Variants in UBE2D3 observed in about 807,000 individuals in gnomAD.
UBE2D3 encodes the protein ubiquitin conjugating enzyme E2 D3.
In UBE2D3, 2 loss-of-function variants were observed where a neutral mutation model predicts 22.8. The ratio of observed to expected loss-of-function variants is 0.09; its 90% CI spans 0.04 to 0.28. The LOEUF is 0.28. Among genes scored for constraint, UBE2D3 ranks in the 10% least tolerant of loss-of-function variants. The pLI, the probability that UBE2D3 is intolerant of heterozygous loss-of-function variation, is 1.00. For synonymous variants in UBE2D3, 56 were observed against 60.4 expected (o/e 0.93, Z 0.34); for missense variants, 27 against 182.5 (o/e 0.15, Z 4.91).
upstream of UBE2D3, among the ~76,000 whole-genome samples, chr4:102,829,239 C>T (rs1166692957): frequency 6.6e-6 from 1 of 152,130 alleles, no homozygotes; most frequent in Admixed American, 6.5e-5. Flanking sequence ...AGATTTTTCT[C>T]GTCTGAACCA....
chr4:102,809,773 C>T lies in UBE2D3; in HGVS notation c.88+19G>A, dbSNP rs775267637. 1 of 1,613,302 alleles carries T rather than the reference C, an allele frequency of 6.2e-7. No individual in the cohort carries two copies. Among genetic ancestry groups the T allele is most frequent in the Non-Finnish European group, 8.5e-7 (1 of 1,179,912 alleles). ...TTAAAAAAAAATTAGGCATAAAAATCAACTTGCAAGTTACTTACTATCATC... is the reference window on the plus strand; with the variant it reads ...TTAAAAAAAAATTAGGCATAAAAATTAACTTGCAAGTTACTTACTATCATC... On this transcript the variant is annotated intron_variant, in intron 3 of 7. Coordinates refer to ENST00000453744, the MANE Select transcript of UBE2D3 (RefSeq NM_181891.3).
chr4:102,849,752 C>T (rs1215631632), intron 1 of UBE2D3, among the ~76,000 whole-genome samples: 1 of 152,112 alleles, frequency 6.6e-6, no homozygotes, highest in Non-Finnish European at 1.5e-5. Context: ...ATCAGAATGA[C>T]CAAATTAAAA....
chr4:102,856,151 A>G (rs2110373596), intron 1 of UBE2D3, among the ~76,000 whole-genome samples: 1 of 152,312 alleles, frequency 6.6e-6, no homozygotes, highest in East Asian at 1.9e-4. Flanking sequence ...AAATCACTTA[A>G]GGCCAGGAGT....
chr4:102,804,878 T>C (rs1726786751), intron 4 of UBE2D3, among the ~76,000 whole-genome samples: 1 of 152,084 alleles, frequency 6.6e-6, no homozygotes. Flanking sequence ...GAGTTTTTGT[T>C]GTCTTTTTAG....
intron 2 of UBE2D3, among the ~76,000 whole-genome samples, chr4:102,815,937 A>G (rs1228221258): frequency 6.6e-6 from 1 of 152,240 alleles, no homozygotes; most frequent in Non-Finnish European, 1.5e-5. Flanking sequence ...TTACTATTTA[A>G]AGTACCACTT....
chr4:102,813,629 C>G (rs1227556413), intron 2 of UBE2D3, among the ~76,000 whole-genome samples: 1 of 152,166 alleles, frequency 6.6e-6, no homozygotes, highest in Non-Finnish European at 1.5e-5. Flanking sequence ...CATTAATAAA[C>G]AAATGATGTT....
intron 4 of UBE2D3, among the ~76,000 whole-genome samples, chr4:102,808,590 T>G (rs1727443648): frequency 6.6e-6 from 1 of 152,196 alleles, no homozygotes; most frequent in African/African-American, 2.4e-5. Flanking sequence ...CCTGCTTCAA[T>G]TTCCCATTAA....
chr4:102,818,116 A>G (rs1578252555), intron 2 of UBE2D3, among the ~76,000 whole-genome samples: 2 of 152,294 alleles, frequency 1.3e-5, no homozygotes, highest in Admixed American at 1.3e-4. Context: ...TCAACTATTA[A>G]GGCCACTGAA....
chr4:102,868,604 G>T, intron 1 of UBE2D3: 3 of 1,410,736 alleles, frequency 2.1e-6, no homozygotes, highest in Non-Finnish European at 3.0e-6. Flanking sequence ...TGGGGTCTGG[G>T]TAGGGGGAGG....
upstream of UBE2D3, among the ~76,000 whole-genome samples, chr4:102,832,157 A>C (rs1307831318): frequency 6.6e-6 from 1 of 152,196 alleles, no homozygotes; most frequent in East Asian, 1.9e-4. Context: ...TATTAAAACA[A>C]ATGAAAAAAA....
chr4:102,798,405 C>A (rs1160837215), intron 7 of UBE2D3, among the ~76,000 whole-genome samples: 1 of 150,750 alleles, frequency 6.6e-6, no homozygotes, highest in African/African-American at 2.4e-5. Flanking sequence ...TTCTTTCTAC[C>A]AATTCATTGT....
At chr4:102,816,677 A>T (rs1728819963) in intron 2 of UBE2D3, among the ~76,000 whole-genome samples, 1 of 152,228 alleles carries the variant, frequency 6.6e-6, no homozygotes, top group Admixed American at 6.5e-5. Flanking sequence ...AAAAACATGT[A>T]AGAAATCTAA....
intron 2 of UBE2D3, chr4:102,819,475 C>T: frequency 1.3e-6 from 1 of 769,172 alleles, no homozygotes; most frequent in Non-Finnish European, 1.6e-6. Flanking sequence ...AGTATCTGAA[C>T]ATTCGGTTAA....
intron 6 of UBE2D3, among the ~76,000 whole-genome samples, chr4:102,800,850 A>G (rs1235585600): frequency 6.6e-6 from 1 of 152,080 alleles, no homozygotes; most frequent in East Asian, 1.9e-4. Flanking sequence ...GTTAATTATT[A>G]CAACTTCACC....
chr4:102,829,729 G>A (rs946965926), upstream of UBE2D3, among the ~76,000 whole-genome samples: 1 of 152,186 alleles, frequency 6.6e-6, no homozygotes, highest in Non-Finnish European at 1.5e-5. Flanking sequence ...TATGAGATCA[G>A]GAGTTCGAGA....
chr4:102,827,355 C>A (rs1173306664), intron 1 of UBE2D3, 72 bp downstream of exon 1: 4 of 983,736 alleles, frequency 4.1e-6, no homozygotes, highest in Non-Finnish European at 3.6e-6. Context: ...AGGTCCCGCA[C>A]TGCCCCTCTT....
intron 3 of UBE2D3, 32 bp downstream of exon 3, chr4:102,809,760 T>G: frequency 6.2e-7 from 1 of 1,613,152 alleles, no homozygotes; most frequent in Non-Finnish European, 8.5e-7. Context: ...AAAAAAAAAT[T>G]AGGCATAAAA....
At chr4:102,850,124 G>T (rs1732266394) in intron 1 of UBE2D3, among the ~76,000 whole-genome samples, 1 of 152,082 alleles carries the variant, frequency 6.6e-6, no homozygotes, top group African/African-American at 2.4e-5. Flanking sequence ...AAACACCACA[G>T]ATCATTTTCA....
chr4:102,826,336 G>A lies in UBE2D3; in HGVS notation c.24+149C>T, dbSNP rs139393320. On this transcript the variant is annotated intron_variant, in intron 2 of 7. Transcript: ENST00000453744. The stretch of plus-strand genomic sequence containing the variant: ...CTAGCTTTAAACTTCATTTCTTCAA[G>A]AAGTATATCTGCGTTCTCCATCCCC... 341 of 1,019,340 alleles carry A rather than the reference G, an allele frequency of 3.3e-4. 4 individuals carry two copies. The highest frequency in any genetic ancestry group is 2.7e-3 in the African/African-American group (167 of 62,122). 63.1% of individuals were successfully genotyped at this position (1,019,340 alleles called of 1,614,324 possible).
Sources: gnomAD v4.1 joint callset for allele counts (sites outside exome capture counted in the v4.1 genomes callset) on GRCh38, gnomAD v4.1.1 for gene constraint, MANE v1.5 for transcripts, NCBI Gene and HGNC (gene_info 2026-07-23, HGNC 2026-07-21) for gene names.